MYBPC2: variants seen among roughly 807,000 people sequenced by gnomAD.
MYBPC2 encodes myosin binding protein C2, also known as myosin-binding protein C, fast-type.
MYBPC2 carries 122 observed loss-of-function variants against 137.0 expected under a neutral mutation model. That is an observed-to-expected ratio of 0.89 (90% CI 0.77 to 1.03). The LOEUF (loss-of-function observed/expected upper bound fraction) is 1.03. Ranked by LOEUF, MYBPC2 falls within the 50% of genes least tolerant of loss-of-function variation. The pLI is 0.00. For synonymous variants in MYBPC2, 626 were observed against 612.3 expected, an observed-to-expected ratio of 1.02 and a Z score of -0.33; for missense variants, 1,500 against 1,534.4, an observed-to-expected ratio of 0.98 and a Z score of 0.37.
chr19:50,466,301 A>G lies in MYBPC2; in HGVS notation c.*96A>G. The G allele has an allele frequency of 6.5e-7, 1 of 1,547,102 alleles. No individual in the cohort carries two copies. The highest frequency in any genetic ancestry group is 8.9e-7 in the Non-Finnish European group (1 of 1,124,780). ...TGTTCTTTCTGGAGTTTTCGCTGAG[A>G]ACAAAACAGTGTTGTCTGGACCCTG... On this transcript the variant is annotated 3_prime_UTR_variant, in exon 28 of 28. Coordinates refer to ENST00000357701, the MANE Select transcript of MYBPC2 (RefSeq NM_004533.4). This position sits in a 1 kb window ranked among gnomAD's most constrained non-coding sequence, Gnocchi z 4.9.
intron 23 of MYBPC2, among the ~76,000 whole-genome samples, chr19:50,459,690 A>T (rs1421240242): frequency 2.9e-5 from 1 of 34,164 alleles, no homozygotes; most frequent in Non-Finnish European, 5.7e-5. Context: ...TGAGGAGGGG[A>T]GGGGGAGAGG....
chr19:50,433,944 G>A (rs2039680160), intron 1 of MYBPC2, among the ~76,000 whole-genome samples: 1 of 152,148 alleles, frequency 6.6e-6, no homozygotes, highest in Admixed American at 6.5e-5. Context: ...GTGTGGTGGT[G>A]CATGCCTGTA....
At chr19:50,443,889 G>A in intron 11 of MYBPC2, 73 bp downstream of exon 11, 4 of 1,328,384 alleles carry the variant, frequency 3.0e-6, no homozygotes, top group East Asian at 2.3e-5. Flanking sequence ...ATCTTTATGG[G>A]ACCTCCTGTG....
In MYBPC2 at chr19:50,447,628, C is replaced by T. The variant is rs192205154; in HGVS notation, c.1307-597C>T. On this transcript the variant is annotated intron_variant, in intron 12 of 27. Transcript: ENST00000357701. ...ATCCCAGCACTTCGGGAGGCCAAAG[C>T]GGGTGGATCACCTGAGGTCAGGAGT... Among the ~76,000 whole-genome samples the T allele has an allele frequency of 5.3e-5, 8 of 152,104 alleles. No homozygotes were observed. In the East Asian group the frequency reaches 1.2e-3, roughly 22 times the overall value.
chr19:50,458,818 G>C, intron 21 of MYBPC2, 64 bp downstream of exon 21: 2 of 1,599,310 alleles, frequency 1.3e-6, no homozygotes, highest in Non-Finnish European at 1.7e-6. Context: ...TGCCCTTTCC[G>C]TGTCGTCGAC....
intron 18 of MYBPC2, 121 bp downstream of exon 18, chr19:50,454,490 A>G (rs908939111): frequency 1.3e-5 from 11 of 851,920 alleles, no homozygotes; most frequent in Middle Eastern, 3.6e-4. Context: ...CAGTGGCTCA[A>G]TCTCGGCTCA....
chr19:50,455,480 C>T (rs1288339753), intron 19 of MYBPC2, 30 bp from the exon 20 acceptor site: 3 of 1,606,086 alleles, frequency 1.9e-6, no homozygotes, highest in Non-Finnish European at 2.6e-6. Context: ...CCTCATTCCC[C>T]CCATATCCTC....
At position 50,464,543 on chromosome 19, in the gene MYBPC2, G is replaced by A. The variant is rs1005434727; in HGVS notation, c.3415+11G>A. On this transcript the variant is annotated intron_variant, in intron 27 of 27. Coordinates refer to ENST00000357701, the MANE Select transcript of MYBPC2 (RefSeq NM_004533.4). ...AGCTGGAGGTCCGAGGTGAGGGCGTGGCCATCCCCAACACTGGCTGACCCT... is the reference window on the plus strand; with the variant it reads ...AGCTGGAGGTCCGAGGTGAGGGCGTAGCCATCCCCAACACTGGCTGACCCT... 4.4e-6 allele frequency: 7 copies of A among 1,595,138 alleles called. No individual in the cohort carries two copies. In the African/African-American group the frequency reaches 8.0e-5, roughly 18 times the overall value.
chr19:50,434,177 G>T (rs1337154645), intron 1 of MYBPC2, among the ~76,000 whole-genome samples: 5 of 152,134 alleles, frequency 3.3e-5, no homozygotes. Flanking sequence ...GGCCAACATG[G>T]CAAAACCCCG....
At chr19:50,447,532 C>T (rs1726798) in intron 12 of MYBPC2, among the ~76,000 whole-genome samples, 2,661 of 152,066 alleles carry the variant, frequency 0.017, 92 homozygotes, top group African/African-American at 0.06. Flanking sequence ...AGTTCAAGGC[C>T]GGCCTAGGCA....
intron 12 of MYBPC2, 25 bp downstream of exon 12, chr19:50,446,077 G>C: frequency 6.2e-7 from 1 of 1,606,062 alleles, no homozygotes; most frequent in Non-Finnish European, 8.5e-7. Context: ...GGTAGGGCAC[G>C]GGCTGCACTG....
At chr19:50,450,089 G>C (rs1046209911) in intron 13 of MYBPC2, among the ~76,000 whole-genome samples, 1 of 152,012 alleles carries the variant, frequency 6.6e-6, no homozygotes, top group East Asian at 1.9e-4. Flanking sequence ...CCCAGGAGGG[G>C]GAGGTTGCAG....
rs766163121 is a variant in MYBPC2 at position 50,448,210 on chromosome 19, T to C, written c.1307-15T>C. 2 of 1,610,732 alleles carry C rather than the reference T, an allele frequency of 1.2e-6. No homozygotes were observed. The highest frequency in any genetic ancestry group is 1.7e-6 in the Non-Finnish European group (2 of 1,178,168). ...TAGAGTAGTGACGGCTCCTTGTCTTTCTCTCCCTGACCAGAGAAACAGCTG... is the reference window on the plus strand; with the variant it reads ...TAGAGTAGTGACGGCTCCTTGTCTTCCTCTCCCTGACCAGAGAAACAGCTG... On this transcript the variant is annotated splice_polypyrimidine_tract_variant and intron_variant, in intron 12 of 27. Coordinates refer to ENST00000357701, the MANE Select transcript of MYBPC2 (RefSeq NM_004533.4).
chr19:50,446,772 A>C (rs1490899086), intron 12 of MYBPC2, among the ~76,000 whole-genome samples: 1 of 142,104 alleles, frequency 7.0e-6, no homozygotes, highest in East Asian at 2.2e-4. Flanking sequence ...GTGAGCCGAG[A>C]TTGCACACTG....
rs1310676282 is a variant in MYBPC2 at position 50,435,136 on chromosome 19, A to C, written c.20-25A>C. The C allele has an allele frequency of 9.8e-7, 1 of 1,017,408 alleles. No individual in the cohort carries two copies. Among genetic ancestry groups the C allele is most frequent in the Admixed American group, 1.8e-5 (1 of 54,748 alleles). The allele number at this position is 1,017,408 out of a possible 1,614,324, so 63.0% of individuals were successfully genotyped here. Reference sequence around the variant, plus strand: ...CATGGGTGTGCAGACCGCATGCTCAACTATGACTGTCCCCTACCTTACAGC... The same window carrying C: ...CATGGGTGTGCAGACCGCATGCTCACCTATGACTGTCCCCTACCTTACAGC... On this transcript the variant is annotated intron_variant, in intron 1 of 27. Coordinates refer to ENST00000357701, the MANE Select transcript of MYBPC2 (RefSeq NM_004533.4). This position sits in a 1 kb window ranked among gnomAD's most constrained non-coding sequence, Gnocchi z 4.8.
In MYBPC2 at chr19:50,436,055, C is replaced by A. The variant is rs1407607757; in HGVS notation, c.240C>A (p.Leu80=). The A allele has an allele frequency of 1.3e-6, 2 of 1,583,956 alleles. No homozygotes were observed. Among genetic ancestry groups the A allele is most frequent in the Non-Finnish European group, 1.7e-6 (2 of 1,165,094 alleles). Residue 80 remains leucine (L), a synonymous_variant, in exon 4 of 28, where the codon CTC becomes CTA. Transcript: ENST00000357701. ...TGGCCAAGGTGAACGGGAAGGAGCT[C>A]CCAGACAAACCGACCATCAAGTGGT... ...VVVAKVNGKE[L]PDKPTIKWFK...
Position 50,443,516 on chromosome 19 carries a change from A to G in MYBPC2, c.925A>G (p.Lys309Glu). The G allele has an allele frequency of 6.2e-7, 1 of 1,613,320 alleles. No individual in the cohort carries two copies. The highest frequency in any genetic ancestry group is 8.5e-7 in the Non-Finnish European group (1 of 1,179,654). The change falls in exon 10 of 28, where the codon AAG becomes GAG. Residue 309 changes from lysine (K) to glutamate (E), a missense_variant. Physicochemically the swap from Lys to Glu is moderately conservative, Grantham distance 56 (BLOSUM62 1). Coordinates refer to ENST00000357701, the MANE Select transcript of MYBPC2 (RefSeq NM_004533.4). ...SSKYVFENVG[K>E]KRILTINKCT... ...CAGGTACGTGTTTGAGAACGTTGGT[A>G]AGAAGCGAATTCTTACCATCAACAA...
rs2039862964 is a variant in MYBPC2 at position 50,451,962 on chromosome 19, G to A, written c.1708G>A (p.Gly570Arg). 6.4e-7 allele frequency: 1 copy of A among 1,557,478 alleles called. No homozygotes were observed. Among genetic ancestry groups the A allele is most frequent in the Non-Finnish European group, 8.7e-7 (1 of 1,150,106 alleles). ...GCTGAGGCTTGACGTGTCCATCACA[G>A]GGGAGCCCCCTCCCGTCGCTACCTG... is the stretch of plus-strand genomic sequence containing the variant. ...NKLRLDVSIT[G>R]EPPPVATWLK... The change falls in exon 16 of 28, where the codon GGG becomes AGG. Residue 570 changes from glycine (G) to arginine (R), a missense_variant. Physicochemically the swap from Gly to Arg is moderately radical, Grantham distance 125. Transcript: ENST00000357701.
At position 50,450,848 on chromosome 19, in the gene MYBPC2, G is replaced by A. The variant is rs867065161; in HGVS notation, c.1492G>A (p.Asp498Asn). Residue 498 changes from aspartate (D) to asparagine (N), a missense_variant, in exon 14 of 28, where the codon GAT (aspartate) becomes AAT (asparagine). Physicochemically the swap from Asp to Asn is conservative, Grantham distance 23. Coordinates refer to ENST00000357701, the MANE Select transcript of MYBPC2 (RefSeq NM_004533.4). ...CCTTAGGTTCCACAAGCTGGTGATC[G>A]ATGACGTCCGCCCCGAGGATGAGGG... ...HVGRFHKLVIDDVRPEDEGDY... is the reference protein window; with the variant it reads ...HVGRFHKLVINDVRPEDEGDY... 5.1e-6 allele frequency: 8 copies of A among 1,573,252 alleles called. No homozygotes were observed. Among genetic ancestry groups the A allele is most frequent in the Admixed American group, 3.7e-5 (2 of 54,038 alleles).
Sources: gnomAD v4.1 joint callset for allele counts (sites outside exome capture counted in the v4.1 genomes callset) on GRCh38, gnomAD v4.1.1 for gene constraint, Gnocchi (gnomAD v3.1) non-coding constraint, MANE v1.5 for transcripts, NCBI Gene and HGNC (gene_info 2026-07-23, HGNC 2026-07-21) for gene names.